The following TRPC4 variants were observed in gnomAD, a reference collection of about 807,000 sequenced individuals.
TRPC4 encodes transient receptor potential cation channel subfamily C member 4.
In TRPC4, 49 loss-of-function variants were observed where a neutral mutation model predicts 99.4. That is an observed-to-expected ratio of 0.49 (90% confidence interval 0.39 to 0.63). TRPC4 has a LOEUF of 0.63. TRPC4 is among the 20% of genes least tolerant of loss of function. The pLI is 0.00. For missense variants in TRPC4, 898 were observed against 1,152.9 expected, an observed-to-expected ratio of 0.78 and a Z score of 3.20; for synonymous variants, 454 against 425.9, an observed-to-expected ratio of 1.07 and a Z score of -0.81.
intron 1 of TRPC4, among the ~76,000 whole-genome samples, chr13:37,869,176 T>C (rs1959993416): frequency 1.3e-5 from 2 of 152,102 alleles, no homozygotes; most frequent in Non-Finnish European, 2.9e-5. Flanking sequence ...GCCTCACTTA[T>C]ATGCACCCAG....
At chr13:37,811,701 G>T (rs1485420674) in intron 1 of TRPC4, among the ~76,000 whole-genome samples, 2 of 152,210 alleles carry the variant, frequency 1.3e-5, no homozygotes, top group Admixed American at 6.5e-5. Flanking sequence ...AGGGAAGAAT[G>T]CTTAGCACAT....
chr13:37,669,396 T>C lies in TRPC4; in HGVS notation c.1374+4832A>G, dbSNP rs564703662. ...AGATTAACTAATACTTCATACACAG[T>C]GAAAAGAGAAAATGATTGACAAACT... On this transcript the variant is annotated intron_variant, in intron 5 of 10. Transcript: ENST00000379705. Among the ~76,000 whole-genome samples, 577 of 152,136 alleles carry C rather than the reference T, an allele frequency of 3.8e-3. 2 individuals are homozygous for C. The highest frequency in any genetic ancestry group is 0.014 in the Middle Eastern group (4 of 294).
At chr13:37,731,552 A>G (rs1155260) in intron 3 of TRPC4, among the ~76,000 whole-genome samples, 144,412 of 152,110 alleles carry the variant, frequency 0.95, 68,912 homozygotes, top group East Asian at 1. Flanking sequence ...AACAATATCT[A>G]TTATATTTTA....
intron 2 of TRPC4, among the ~76,000 whole-genome samples, chr13:37,767,776 A>G (rs529203641): frequency 6.6e-6 from 1 of 151,428 alleles, no homozygotes; most frequent in Non-Finnish European, 1.5e-5. Context: ...TAAATCTACC[A>G]TATTCATCCA....
At chr13:37,686,216 G>C (rs1054566979) in intron 4 of TRPC4, among the ~76,000 whole-genome samples, 9 of 151,936 alleles carry the variant, frequency 5.9e-5, no homozygotes, top group African/African-American at 2.2e-4. Flanking sequence ...TGATCTTAAT[G>C]ACTTTAGACA....
chr13:37,739,723 C>T (rs1041322342), intron 3 of TRPC4, among the ~76,000 whole-genome samples: 1 of 151,928 alleles, frequency 6.6e-6, no homozygotes, highest in Non-Finnish European at 1.5e-5. Flanking sequence ...ACAGGCTGCT[C>T]TCAAACTCCT....
chr13:37,736,829 A>G (rs1955410143), intron 3 of TRPC4, among the ~76,000 whole-genome samples: 1 of 151,642 alleles, frequency 6.6e-6, no homozygotes, highest in Non-Finnish European at 1.5e-5. Context: ...CCTGGGCTCA[A>G]TTGATCCTCC....
intron 1 of TRPC4, among the ~76,000 whole-genome samples, chr13:37,862,867 C>T (rs1213354967): frequency 6.6e-6 from 1 of 151,296 alleles, no homozygotes; most frequent in Non-Finnish European, 1.5e-5. Flanking sequence ...GAGAAATACA[C>T]AGTCACGCAT....
intron 2 of TRPC4, among the ~76,000 whole-genome samples, chr13:37,754,754 A>G (rs1956053132): frequency 6.6e-6 from 1 of 152,034 alleles, no homozygotes; most frequent in Non-Finnish European, 1.5e-5. Flanking sequence ...TCTCTTCAAT[A>G]TTTTTCTCAA....
intron 3 of TRPC4, among the ~76,000 whole-genome samples, chr13:37,728,029 G>T (rs541703294): frequency 6.6e-6 from 1 of 152,048 alleles, no homozygotes; most frequent in African/African-American, 2.4e-5. Flanking sequence ...ATTAGGCATG[G>T]AAGGAAATTC....
chr13:37,781,866 A>C (rs1956850692), intron 2 of TRPC4, among the ~76,000 whole-genome samples: 1 of 151,928 alleles, frequency 6.6e-6, no homozygotes, highest in African/African-American at 2.4e-5. Context: ...TTCTTTTCCT[A>C]ATAATGGCAA....
At chr13:37,678,477 G>T (rs906973053) in intron 4 of TRPC4, among the ~76,000 whole-genome samples, 1 of 151,970 alleles carries the variant, frequency 6.6e-6, no homozygotes, top group African/African-American at 2.4e-5. Context: ...CAACTAGAAT[G>T]AATACCTGGA....
rs1197842476 is a variant in TRPC4, at chr13:37,836,250, GA to G, written c.-28+33344del. On this transcript the variant is annotated intron_variant, in intron 1 of 10. Coordinates refer to ENST00000379705, the MANE Select transcript of TRPC4 (RefSeq NM_016179.4). ...TCGGGTATATTTTTATCAGCAGCATGAAAACAAAATAATACAGTAAGTTGGT... is the reference window on the plus strand; with the variant it reads ...TCGGGTATATTTTTATCAGCAGCATGAAACAAAATAATACAGTAAGTTGGT... Among the ~76,000 whole-genome samples the G allele has an allele frequency of 2.0e-5, 3 of 152,260 alleles. No homozygotes were observed. The East Asian group carries it at 5.8e-4, about 29-fold the overall frequency.
At chr13:37,750,021 C>A (rs1955888395) in intron 2 of TRPC4, among the ~76,000 whole-genome samples, 1 of 152,130 alleles carries the variant, frequency 6.6e-6, no homozygotes. Flanking sequence ...GATATACTCA[C>A]AGATTTAATG....
intron 2 of TRPC4, among the ~76,000 whole-genome samples, chr13:37,755,366 C>A (rs550030436): frequency 6.6e-6 from 1 of 151,998 alleles, no homozygotes; most frequent in Non-Finnish European, 1.5e-5. Context: ...AAACAATCCT[C>A]TCCCTCAGCC....
In TRPC4 at chr13:37,663,413, T is replaced by C. The variant is rs764452116; in HGVS notation, c.1688+3A>G. ...TACCAGTAGAAATGTCTATTAGACTTACGTTGAAAATGCATTATTCTGCTT... is the reference window on the plus strand; with the variant it reads ...TACCAGTAGAAATGTCTATTAGACTCACGTTGAAAATGCATTATTCTGCTT... On this transcript the variant is annotated splice_donor_region_variant and intron_variant, in intron 6 of 10. Coordinates refer to ENST00000379705, the MANE Select transcript of TRPC4 (RefSeq NM_016179.4). 1 of 1,609,094 alleles carries C rather than the reference T, an allele frequency of 6.2e-7. No individual in the cohort carries two copies. Among genetic ancestry groups the C allele is most frequent in the South Asian group, 1.1e-5 (1 of 90,312 alleles).
At chr13:37,714,071 CCCT>C (rs1954577635) in intron 3 of TRPC4, among the ~76,000 whole-genome samples, 2 of 151,544 alleles carry the variant, frequency 1.3e-5, no homozygotes, top group South Asian at 4.2e-4. Flanking sequence ...TTCCTTCCCT[CCCT>C]CCCTTTCTCC....
intron 5 of TRPC4, among the ~76,000 whole-genome samples, chr13:37,665,226 C>A (rs1175870252): frequency 2.0e-5 from 3 of 152,108 alleles, no homozygotes; most frequent in Non-Finnish European, 4.4e-5. Flanking sequence ...TCTTAAAAGA[C>A]ACACATATTT....
At chr13:37,745,473 T>TACACAC (rs370854698) in intron 3 of TRPC4, among the ~76,000 whole-genome samples, 57 of 5,370 alleles carry the variant, frequency 0.011, no homozygotes, top group Admixed American at 0.015. Context: ...TATATATATA[T>TACACAC]ACACACACAC....
Sources: allele counts gnomAD v4.1 joint callset (sites outside exome capture counted in the v4.1 genomes callset), GRCh38; gene constraint gnomAD v4.1.1; transcripts MANE v1.5; gene names NCBI Gene and HGNC (gene_info 2026-07-23, HGNC 2026-07-21).